Variants in IKZF2 observed in about 807,000 individuals in gnomAD.
IKZF2 encodes IKAROS family zinc finger 2.
IKZF2 carries 15 observed loss-of-function variants against 49.2 expected under a neutral mutation model. The observed-to-expected ratio is 0.30, with a 90% CI of 0.20 to 0.47. The LOEUF is 0.47. Among genes scored for constraint, IKZF2 ranks in the 20% least tolerant of loss-of-function variants. IKZF2 has a pLI of 1.00. For missense variants in IKZF2, 567 were observed against 664.6 expected (o/e 0.85, Z 1.61); for synonymous variants, 227 against 221.4 (o/e 1.03, Z -0.23).
chr2:213,110,295 T>A (rs2059659767), intron 4 of IKZF2, among the ~76,000 whole-genome samples: 1 of 151,892 alleles, frequency 6.6e-6, no homozygotes. Flanking sequence ...TCCCAGCCCC[T>A]CATCTGCTCA....
chr2:213,092,555 G>C (rs182786143), intron 4 of IKZF2, among the ~76,000 whole-genome samples: 2 of 152,064 alleles, frequency 1.3e-5, no homozygotes, highest in African/African-American at 2.4e-5. Flanking sequence ...AGTCCCCCCT[G>C]TGATGGTACC....
At chr2:213,133,585 G>A (rs2060544897) in intron 4 of IKZF2, among the ~76,000 whole-genome samples, 1 of 151,902 alleles carries the variant, frequency 6.6e-6, no homozygotes, top group South Asian at 2.1e-4. Flanking sequence ...ACAAAAATTT[G>A]CTAGGCATGG....
At chr2:213,103,940 A>G (rs911009077) in intron 4 of IKZF2, among the ~76,000 whole-genome samples, 6 of 152,198 alleles carry the variant, frequency 3.9e-5, no homozygotes, top group African/African-American at 1.4e-4. Context: ...AAAAGTGATG[A>G]TATATTACAT....
At chr2:213,150,761 G>A (rs1382667299) in intron 1 of IKZF2, among the ~76,000 whole-genome samples, 1 of 151,182 alleles carries the variant, frequency 6.6e-6, no homozygotes, top group Non-Finnish European at 1.5e-5. Flanking sequence ...AGGAACCCAG[G>A]CCAACTTCAC....
At chr2:213,034,624 A>C (rs1698817390) in intron 6 of IKZF2, among the ~76,000 whole-genome samples, 1 of 152,224 alleles carries the variant, frequency 6.6e-6, no homozygotes, top group East Asian at 1.9e-4. Context: ...CAAAAATTCA[A>C]GTTTGCCAGC....
intron 4 of IKZF2, among the ~76,000 whole-genome samples, chr2:213,110,025 AC>A (rs2125763158): frequency 6.6e-6 from 1 of 152,192 alleles, no homozygotes; most frequent in East Asian, 1.9e-4. Context: ...TAAGGAATCT[AC>A]ATCTAAATTG....
At chr2:213,092,333 G>A (rs1260377292) in intron 4 of IKZF2, among the ~76,000 whole-genome samples, 1 of 152,052 alleles carries the variant, frequency 6.6e-6, no homozygotes, top group Non-Finnish European at 1.5e-5. Context: ...TGGCCTATAA[G>A]CTATCTTTTA....
At chr2:213,082,989 C>A (rs1704116179) in intron 4 of IKZF2, among the ~76,000 whole-genome samples, 1 of 152,104 alleles carries the variant, frequency 6.6e-6, no homozygotes, top group African/African-American at 2.4e-5. Flanking sequence ...TTTTATATTT[C>A]TTTTCCTTCA....
intron 4 of IKZF2, among the ~76,000 whole-genome samples, chr2:213,087,486 TC>T (rs1190383292): frequency 2.0e-5 from 3 of 152,144 alleles, no homozygotes; most frequent in African/African-American, 7.2e-5. Flanking sequence ...GAAATGACTA[TC>T]CATTACTAAT....
intron 4 of IKZF2, among the ~76,000 whole-genome samples, chr2:213,110,149 A>C (rs2059653546): frequency 6.6e-6 from 1 of 151,982 alleles, no homozygotes; most frequent in Admixed American, 6.6e-5. Context: ...TCTCAAAAAA[A>C]CTAATATTTA....
intron 4 of IKZF2, among the ~76,000 whole-genome samples, chr2:213,122,654 G>A (rs559643572): frequency 2.2e-4 from 34 of 152,304 alleles, no homozygotes; most frequent in Middle Eastern, 3.4e-3. Context: ...AATCTGCAGT[G>A]ACATAATTAA....
chr2:213,132,071 C>T (rs1415876672), intron 4 of IKZF2, among the ~76,000 whole-genome samples: 1 of 152,128 alleles, frequency 6.6e-6, no homozygotes, highest in African/African-American at 2.4e-5. Context: ...TTAACCCTCA[C>T]AACAACTCCA....
At chr2:213,102,863 G>A (rs997709951) in intron 4 of IKZF2, among the ~76,000 whole-genome samples, 1 of 152,036 alleles carries the variant, frequency 6.6e-6, no homozygotes, top group Non-Finnish European at 1.5e-5. Context: ...GGCATCAAGA[G>A]GAAAGCACAT....
chr2:213,116,308 T>C (rs139604814), intron 4 of IKZF2, among the ~76,000 whole-genome samples: 1 of 152,338 alleles, frequency 6.6e-6, no homozygotes, highest in East Asian at 1.9e-4. Context: ...ATAATTTCTA[T>C]TATACAATCC....
At chr2:213,031,595 C>T (rs1375155601) in intron 6 of IKZF2, among the ~76,000 whole-genome samples, 2 of 152,166 alleles carry the variant, frequency 1.3e-5, no homozygotes, top group Non-Finnish European at 2.9e-5. Flanking sequence ...TAAGTTAACA[C>T]ATTTCCTCAG....
intron 8 of IKZF2, among the ~76,000 whole-genome samples, chr2:213,012,342 G>A (rs775174755): frequency 1.3e-5 from 2 of 151,554 alleles, no homozygotes; most frequent in Non-Finnish European, 2.9e-5. Context: ...CAGGAAACAT[G>A]ACAAAAAACG....
At chr2:213,143,469 T>C (rs1330836353) in intron 4 of IKZF2, among the ~76,000 whole-genome samples, 2 of 151,782 alleles carry the variant, frequency 1.3e-5, no homozygotes, top group Non-Finnish European at 2.9e-5. Context: ...TTTACTTTCC[T>C]TTTTTTTCCC....
At chr2:213,124,878 C>G (rs2060208789) in intron 4 of IKZF2, among the ~76,000 whole-genome samples, 2 of 152,226 alleles carry the variant, frequency 1.3e-5, no homozygotes, top group African/African-American at 4.8e-5. Flanking sequence ...CACAAGGTAT[C>G]TATTCCCTTA....
intron 4 of IKZF2, among the ~76,000 whole-genome samples, chr2:213,092,686 T>C (rs1705488977): frequency 6.6e-6 from 1 of 152,174 alleles, no homozygotes; most frequent in Non-Finnish European, 1.5e-5. Flanking sequence ...CCTAAGGTAC[T>C]AACTACACTG....
Sources: allele counts gnomAD v4.1 joint callset (sites outside exome capture counted in the v4.1 genomes callset), GRCh38; gene constraint gnomAD v4.1.1; transcripts MANE v1.5; gene names NCBI Gene and HGNC (gene_info 2026-07-23, HGNC 2026-07-21).